The following WDR70 variants were observed in gnomAD, a reference collection of about 807,000 sequenced individuals.
WDR70 encodes the protein WD repeat-containing protein 70.
WDR70 carries 53 observed loss-of-function variants against 88.6 expected under a neutral mutation model. The ratio of observed to expected loss-of-function variants is 0.60; its 90% confidence interval spans 0.48 to 0.75. The LOEUF (loss-of-function observed/expected upper bound fraction) is 0.75, where lower values mean the gene tolerates loss of function less well. WDR70 is among the 30% of genes least tolerant of loss of function. WDR70 has a pLI of 0.00. For synonymous variants in WDR70, 280 were observed against 270.0 expected (o/e 1.04, Z -0.36); for missense variants, 610 against 823.2 (o/e 0.74, Z 3.17).
chr5:37,463,715 T>TC (rs1739080687), intron 7 of WDR70, among the ~76,000 whole-genome samples: 1 of 152,206 alleles, frequency 6.6e-6, no homozygotes, highest in Admixed American at 6.5e-5. Flanking sequence ...ATCGGAATCT[T>TC]CGTTGTTTAG....
At chr5:37,507,729 A>G (rs543158655) in intron 8 of WDR70, among the ~76,000 whole-genome samples, 27 of 152,340 alleles carry the variant, frequency 1.8e-4, no homozygotes, top group African/African-American at 5.3e-4. Flanking sequence ...GTATATCAAC[A>G]TAGGGATCCT....
At chr5:37,497,482 T>G (rs1740264929) in intron 8 of WDR70, among the ~76,000 whole-genome samples, 1 of 135,894 alleles carries the variant, frequency 7.4e-6, no homozygotes, top group African/African-American at 2.7e-5. Flanking sequence ...CCTTCCCTCT[T>G]CCCTTCCCTT....
intron 8 of WDR70, among the ~76,000 whole-genome samples, chr5:37,485,904 G>A (rs1398025852): frequency 2.2e-5 from 3 of 136,992 alleles, no homozygotes; most frequent in Non-Finnish European, 4.6e-5. Context: ...TAGTAGAGAC[G>A]GGGTTTCACC....
intron 9 of WDR70, among the ~76,000 whole-genome samples, chr5:37,598,466 G>C (rs1350899550): frequency 6.6e-6 from 1 of 152,076 alleles, no homozygotes; most frequent in Non-Finnish European, 1.5e-5. Flanking sequence ...ATAAATACCA[G>C]GTCTTTTCTG....
intron 6 of WDR70, 117 bp downstream of exon 6, chr5:37,438,098 GCT>G: frequency 1.3e-6 from 1 of 779,396 alleles, no homozygotes; most frequent in South Asian, 2.9e-5. Context: ...TGACATAAAA[GCT>G]ATAGACATTA....
chr5:37,699,725 A>G (rs1201115926), intron 11 of WDR70, among the ~76,000 whole-genome samples: 2 of 152,098 alleles, frequency 1.3e-5, no homozygotes, highest in Non-Finnish European at 2.9e-5. Context: ...AGGCAGGTGG[A>G]TCACTTGAGG....
intron 7 of WDR70, among the ~76,000 whole-genome samples, chr5:37,462,772 C>G (rs1472791669): frequency 6.6e-6 from 1 of 151,788 alleles, no homozygotes; most frequent in Non-Finnish European, 1.5e-5. Flanking sequence ...ATAATAATTA[C>G]TTGTTTCAGT....
chr5:37,592,857 C>T (rs1447299514), intron 9 of WDR70, among the ~76,000 whole-genome samples: 2 of 152,186 alleles, frequency 1.3e-5, no homozygotes, highest in Non-Finnish European at 2.9e-5. Context: ...ACATAATCGT[C>T]TATATAGAAA....
chr5:37,537,759 T>G (rs576580501), intron 9 of WDR70, among the ~76,000 whole-genome samples: 1 of 152,294 alleles, frequency 6.6e-6, no homozygotes, highest in Non-Finnish European at 1.5e-5. Flanking sequence ...TTTTACCACA[T>G]GACACTATAA....
chr5:37,685,837 TC>T (rs1746574862), intron 10 of WDR70, among the ~76,000 whole-genome samples: 1 of 152,108 alleles, frequency 6.6e-6, no homozygotes. Flanking sequence ...CTTCACCTGC[TC>T]CCCAGGAGTC....
intron 10 of WDR70, among the ~76,000 whole-genome samples, chr5:37,668,689 A>G (rs1199109105): frequency 6.6e-6 from 1 of 152,188 alleles, no homozygotes; most frequent in Non-Finnish European, 1.5e-5. Flanking sequence ...TCACACATCT[A>G]AGTGGTTGAG....
At chr5:37,469,942 A>G (rs374733769) in intron 7 of WDR70, among the ~76,000 whole-genome samples, 5 of 152,172 alleles carry the variant, frequency 3.3e-5, no homozygotes, top group African/African-American at 9.7e-5. Context: ...TATGTTTCCT[A>G]TATTTGTAAC....
intron 10 of WDR70, among the ~76,000 whole-genome samples, chr5:37,673,849 C>G (rs1358544392): frequency 1.3e-5 from 2 of 151,974 alleles, no homozygotes; most frequent in South Asian, 2.1e-4. Context: ...TTAGCTCCCA[C>G]TTGTGAGAAC....
At chr5:37,502,854 A>T (rs1189367037) in intron 8 of WDR70, among the ~76,000 whole-genome samples, 1 of 152,154 alleles carries the variant, frequency 6.6e-6, no homozygotes, top group Non-Finnish European at 1.5e-5. Flanking sequence ...AAATGACCAG[A>T]TCTTGTGAGA....
At chr5:37,724,206 A>G (rs1747904550) in intron 15 of WDR70, 1 of 152,174 alleles carries the variant, frequency 6.6e-6, no homozygotes, top group Non-Finnish European at 1.5e-5. Context: ...CTTTTCCCCT[A>G]GAATATTATA....
At chr5:37,469,164 C>T (rs1357230815) in intron 7 of WDR70, among the ~76,000 whole-genome samples, 4 of 152,162 alleles carry the variant, frequency 2.6e-5, no homozygotes, top group African/African-American at 2.4e-5. Flanking sequence ...AGTTTATACT[C>T]GTGGTGGTTT....
intron 6 of WDR70, among the ~76,000 whole-genome samples, chr5:37,442,913 A>C (rs1401238072): frequency 1.3e-5 from 2 of 152,168 alleles, no homozygotes; most frequent in African/African-American, 2.4e-5. Flanking sequence ...TATTTGTAAG[A>C]TTTTTACTTG....
At chr5:37,625,279 A>C (rs1744630363) in intron 10 of WDR70, among the ~76,000 whole-genome samples, 1 of 152,134 alleles carries the variant, frequency 6.6e-6, no homozygotes, top group Non-Finnish European at 1.5e-5. Context: ...GGCTATACAA[A>C]TTTACGTTCC....
chr5:37,494,340 T>C (rs967111187), intron 8 of WDR70, among the ~76,000 whole-genome samples: 7 of 152,204 alleles, frequency 4.6e-5, no homozygotes, highest in South Asian at 2.1e-4. Flanking sequence ...GGAAGAATTA[T>C]GGAAGTATTA....
Sources: gnomAD v4.1 joint callset for allele counts (sites outside exome capture counted in the v4.1 genomes callset) on GRCh38, gnomAD v4.1.1 for gene constraint, MANE v1.5 for transcripts, NCBI Gene and HGNC (gene_info 2026-07-23, HGNC 2026-07-21) for gene names.